The following ROBO1 variants were observed in gnomAD, a reference collection of about 807,000 sequenced individuals.
ROBO1 encodes roundabout guidance receptor 1.
A neutral mutation model predicts 195.9 loss-of-function variants in ROBO1; 149 were observed. The observed-to-expected ratio is 0.76, with a 90% CI of 0.67 to 0.87. ROBO1 has a LOEUF of 0.87. Among genes scored for constraint, ROBO1 ranks in the 40% least tolerant of loss-of-function variants. The probability of loss-of-function intolerance (pLI) is 0.00; values close to 1 mark genes in which losing one functional copy is unlikely to be tolerated. For synonymous variants in ROBO1, 816 were observed against 733.2 expected (o/e 1.11, Z -1.82); for missense variants, 1,933 against 2,068.3 (o/e 0.93, Z 1.27).
At chr3:78,908,942 C>T (rs1174460287) in intron 4 of ROBO1, among the ~76,000 whole-genome samples, 1 of 151,738 alleles carries the variant, frequency 6.6e-6, no homozygotes, top group Non-Finnish European at 1.5e-5. Context: ...TAAAGTTATA[C>T]TGATAAAAGC....
At chr3:78,650,664 T>C (rs1212417653) in intron 19 of ROBO1, among the ~76,000 whole-genome samples, 1 of 152,156 alleles carries the variant, frequency 6.6e-6, no homozygotes, top group Non-Finnish European at 1.5e-5. Flanking sequence ...TGGGAAAAAG[T>C]TGGTGATGGT....
chr3:79,381,523 T>C (rs1276373481), intron 2 of ROBO1, among the ~76,000 whole-genome samples: 4 of 152,078 alleles, frequency 2.6e-5, no homozygotes, highest in African/African-American at 4.8e-5. Context: ...ACTATCACTG[T>C]TTTTCCATCC....
intron 3 of ROBO1, among the ~76,000 whole-genome samples, chr3:79,055,652 A>G (rs1421629544): frequency 6.6e-6 from 1 of 152,054 alleles, no homozygotes; most frequent in African/African-American, 2.4e-5. Flanking sequence ...CATAACTCTT[A>G]TAGTGCTCCC....
chr3:79,420,816 G>T (rs1027294459), intron 2 of ROBO1, among the ~76,000 whole-genome samples: 1 of 152,086 alleles, frequency 6.6e-6, no homozygotes, highest in Non-Finnish European at 1.5e-5. Context: ...GAAAGCAGTG[G>T]ACAATTTCTC....
intron 24 of ROBO1, among the ~76,000 whole-genome samples, chr3:78,631,644 T>C (rs908676236): frequency 2.0e-5 from 3 of 152,214 alleles, no homozygotes; most frequent in African/African-American, 7.2e-5. Context: ...TGCCTTTCTA[T>C]TATTTAATTG....
chr3:79,582,196 T>A (rs1943683639), intron 2 of ROBO1, among the ~76,000 whole-genome samples: 1 of 151,802 alleles, frequency 6.6e-6, no homozygotes, highest in Admixed American at 6.6e-5. Context: ...TAATATAATT[T>A]ATAATCTATG....
At chr3:78,678,698 AAAAG>A (rs1433176422) in intron 10 of ROBO1, among the ~76,000 whole-genome samples, 40 of 152,158 alleles carry the variant, frequency 2.6e-4, no homozygotes, top group African/African-American at 9.2e-4. Flanking sequence ...TTACCAACCA[AAAAG>A]AGTCCAGGAC....
chr3:79,370,638 T>C (rs1215119077), intron 2 of ROBO1, among the ~76,000 whole-genome samples: 1 of 150,636 alleles, frequency 6.6e-6, no homozygotes, highest in Non-Finnish European at 1.5e-5. Flanking sequence ...ATGTAAGTTA[T>C]ATATATATAT....
intron 1 of ROBO1, among the ~76,000 whole-genome samples, chr3:79,764,110 T>A (rs1266740916): frequency 6.6e-6 from 1 of 152,208 alleles, no homozygotes; most frequent in Non-Finnish European, 1.5e-5. Context: ...TGTAGACATC[T>A]AATAAAGCCT....
At chr3:78,826,078 T>G (rs2031570373) in intron 4 of ROBO1, among the ~76,000 whole-genome samples, 1 of 152,188 alleles carries the variant, frequency 6.6e-6, no homozygotes, top group Admixed American at 6.6e-5. Flanking sequence ...CTTTCCCTGA[T>G]AAATCTTAAG....
At chr3:79,057,409 G>A (rs576966518) in intron 3 of ROBO1, among the ~76,000 whole-genome samples, 5 of 152,078 alleles carry the variant, frequency 3.3e-5, no homozygotes, top group South Asian at 2.1e-4. Flanking sequence ...TACTGACAAC[G>A]AAAACCACAA....
At chr3:79,044,805 A>G (rs1042476795) in intron 3 of ROBO1, among the ~76,000 whole-genome samples, 1 of 152,152 alleles carries the variant, frequency 6.6e-6, no homozygotes, top group Non-Finnish European at 1.5e-5. Flanking sequence ...AAAAAAATTA[A>G]TGGATACATA....
chr3:78,856,012 C>A (rs1349110830), intron 4 of ROBO1, among the ~76,000 whole-genome samples: 1 of 150,528 alleles, frequency 6.6e-6, no homozygotes, highest in African/African-American at 2.4e-5. Flanking sequence ...TAGTCAATTC[C>A]AAGGGAATAT....
At chr3:78,673,510 T>C (rs1168082750) in intron 10 of ROBO1, among the ~76,000 whole-genome samples, 1 of 127,714 alleles carries the variant, frequency 7.8e-6, no homozygotes, top group African/African-American at 2.8e-5. Flanking sequence ...ATATATAAAA[T>C]AATATATAAT....
intron 4 of ROBO1, among the ~76,000 whole-genome samples, chr3:78,920,973 C>A (rs746411016): frequency 6.6e-6 from 1 of 152,044 alleles, no homozygotes. Context: ...TGAGCCACTG[C>A]GTGTGACATG....
intron 2 of ROBO1, among the ~76,000 whole-genome samples, chr3:79,528,586 A>C (rs183272086): frequency 6.6e-6 from 1 of 152,208 alleles, no homozygotes; most frequent in Non-Finnish European, 1.5e-5. Flanking sequence ...TTTGAGACTC[A>C]AAGTTTAGTG....
chr3:78,879,710 G>A (rs771642919), intron 4 of ROBO1, among the ~76,000 whole-genome samples: 10 of 151,796 alleles, frequency 6.6e-5, no homozygotes, highest in Non-Finnish European at 1.3e-4. Flanking sequence ...GACTCCTAGC[G>A]TTAACTAACC....
chr3:79,590,685 A>G, intron 1 of ROBO1, among the ~76,000 whole-genome samples: 1 of 151,804 alleles, frequency 6.6e-6, no homozygotes, highest in East Asian at 1.9e-4. Context: ...ATATGAGATA[A>G]TATCCAATAA....
chr3:79,149,634 C>T (rs1377479530), intron 2 of ROBO1, among the ~76,000 whole-genome samples: 7 of 151,616 alleles, frequency 4.6e-5, no homozygotes, highest in African/African-American at 1.7e-4. Flanking sequence ...GGTTTGGTGG[C>T]AAGGTGTGTG....
Sources: allele counts gnomAD v4.1 joint callset (sites outside exome capture counted in the v4.1 genomes callset), GRCh38; gene constraint gnomAD v4.1.1; transcripts MANE v1.5; gene names NCBI Gene and HGNC (gene_info 2026-07-23, HGNC 2026-07-21).